The following ZNF385B variants were observed in gnomAD, a reference collection of about 807,000 sequenced individuals.
ZNF385B encodes zinc finger protein 385B.
Under a neutral mutation model 39.2 loss-of-function variants are expected in ZNF385B, and 23 were observed. The observed-to-expected ratio is 0.59, with a 90% CI of 0.42 to 0.83. The LOEUF (loss-of-function observed/expected upper bound fraction) is 0.83, where lower values mean the gene tolerates loss of function less well. Ranked by LOEUF, ZNF385B falls within the 40% of genes least tolerant of loss-of-function variation. The pLI, the probability that ZNF385B is intolerant of heterozygous loss-of-function variation, is 0.00. For synonymous variants in ZNF385B, 205 were observed against 222.6 expected (o/e 0.92, Z 0.70); for missense variants, 552 against 598.9 (o/e 0.92, Z 0.82).
intron 3 of ZNF385B, among the ~76,000 whole-genome samples, chr2:179,605,177 T>C (rs1400213648): frequency 6.6e-6 from 1 of 152,298 alleles, no homozygotes; most frequent in African/African-American, 2.4e-5. Context: ...AGATTTTTTA[T>C]AGAAGTATTT....
At chr2:179,576,276 C>A (rs1685801011) in intron 3 of ZNF385B, 1 of 654,580 alleles carries the variant, frequency 1.5e-6, no homozygotes, top group African/African-American at 2.0e-5. Context: ...ATCTAAAAAT[C>A]AAAAGTGAAC....
chr2:179,756,236 T>G (rs1013387938), intron 3 of ZNF385B, among the ~76,000 whole-genome samples: 10 of 152,320 alleles, frequency 6.6e-5, no homozygotes, highest in South Asian at 2.1e-4. Context: ...CCTTCACTTA[T>G]GAAGCTTAGT....
At chr2:179,527,430 T>C (rs1314559983) in intron 4 of ZNF385B, among the ~76,000 whole-genome samples, 1 of 152,142 alleles carries the variant, frequency 6.6e-6, no homozygotes, top group Non-Finnish European at 1.5e-5. Flanking sequence ...GTATATTCCA[T>C]TGACAGAAAG....
intron 3 of ZNF385B, among the ~76,000 whole-genome samples, chr2:179,760,223 C>CGTGCGTGCGTGT (rs1553525684): frequency 3.5e-4 from 51 of 144,546 alleles, no homozygotes; most frequent in African/African-American, 1.2e-3. Context: ...TTCCTGTGTG[C>CGTGCGTGCGTGT]GTGTGTGTGT....
At chr2:179,761,753 TTTC>T (rs1355901008) in intron 3 of ZNF385B, among the ~76,000 whole-genome samples, 2 of 140,366 alleles carry the variant, frequency 1.4e-5, no homozygotes, top group African/African-American at 5.1e-5. Context: ...TAACATTTTT[TTTC>T]TTTTCTTTTT....
chr2:179,617,140 C>T (rs1689819051), intron 3 of ZNF385B, among the ~76,000 whole-genome samples: 1 of 152,196 alleles, frequency 6.6e-6, no homozygotes, highest in Non-Finnish European at 1.5e-5. Flanking sequence ...TCAGCATCAA[C>T]AGCTATATGT....
chr2:179,774,201 G>T (rs980977934), intron 1 of ZNF385B, among the ~76,000 whole-genome samples: 4 of 151,384 alleles, frequency 2.6e-5, no homozygotes, highest in African/African-American at 9.7e-5. Context: ...TGTGTGTGTG[G>T]TCTGTGTGTG....
At chr2:179,728,917 T>A (rs930783759) in intron 3 of ZNF385B, among the ~76,000 whole-genome samples, 1 of 152,068 alleles carries the variant, frequency 6.6e-6, no homozygotes, top group Non-Finnish European at 1.5e-5. Flanking sequence ...GCACAAGTAC[T>A]TTTTAAATTT....
At chr2:179,844,667 T>C (rs1708708560) in intron 1 of ZNF385B, among the ~76,000 whole-genome samples, 1 of 152,168 alleles carries the variant, frequency 6.6e-6, no homozygotes, top group African/African-American at 2.4e-5. Flanking sequence ...ATTAAACCTT[T>C]GATTCACTGA....
At chr2:179,755,475 C>T (rs1702955014) in intron 3 of ZNF385B, among the ~76,000 whole-genome samples, 1 of 152,152 alleles carries the variant, frequency 6.6e-6, no homozygotes, top group African/African-American at 2.4e-5. Context: ...GAGCCAAAGT[C>T]CTGGATATCC....
At chr2:179,494,031 G>A (rs1022159516) in intron 5 of ZNF385B, among the ~76,000 whole-genome samples, 2 of 151,482 alleles carry the variant, frequency 1.3e-5, no homozygotes, top group African/African-American at 4.8e-5. Context: ...TAACAGATAA[G>A]TGATACACCT....
At chr2:179,587,094 C>G (rs1397650936) in intron 3 of ZNF385B, among the ~76,000 whole-genome samples, 1 of 151,012 alleles carries the variant, frequency 6.6e-6, no homozygotes, top group Non-Finnish European at 1.5e-5. Flanking sequence ...ACCTTCCTCC[C>G]TACTCCCCAC....
chr2:179,823,226 T>C (rs1343318293), intron 1 of ZNF385B, among the ~76,000 whole-genome samples: 1 of 152,176 alleles, frequency 6.6e-6, no homozygotes, highest in Non-Finnish European at 1.5e-5. Context: ...AATTCTTCAG[T>C]TACCATAAAA....
At chr2:179,833,099 G>GTA (rs934795578) in intron 1 of ZNF385B, among the ~76,000 whole-genome samples, 10 of 152,156 alleles carry the variant, frequency 6.6e-5, no homozygotes, top group East Asian at 1.9e-4. Context: ...GTATATGTGT[G>GTA]TATATATATG....
At chr2:179,588,551 C>T (rs981767709) in intron 3 of ZNF385B, among the ~76,000 whole-genome samples, 1 of 152,036 alleles carries the variant, frequency 6.6e-6, no homozygotes, top group East Asian at 1.9e-4. Context: ...TCACACTTAC[C>T]CACCATGATT....
chr2:179,478,282 T>G (rs1201780754), intron 6 of ZNF385B, among the ~76,000 whole-genome samples: 1 of 151,976 alleles, frequency 6.6e-6, no homozygotes, highest in Non-Finnish European at 1.5e-5. Flanking sequence ...GGTTGAAAGT[T>G]TTTGAGGGCG....
At chr2:179,457,047 C>G (rs776630764) in intron 6 of ZNF385B, among the ~76,000 whole-genome samples, 2 of 152,030 alleles carry the variant, frequency 1.3e-5, no homozygotes, top group Non-Finnish European at 1.5e-5. Flanking sequence ...GAACCCCTAC[C>G]AGTTGAGATT....
rs146659138 is a variant in ZNF385B, at chr2:179,551,692, C to A, written c.299-6723G>T. Among the ~76,000 whole-genome samples the A allele has an allele frequency of 6.0e-4, 92 of 152,218 alleles. No individual in the cohort carries two copies. In the East Asian group the frequency reaches 0.017, roughly 28 times the overall value. The stretch of plus-strand genomic sequence containing the variant: ...ACCCATAAATATAGAAACTCCAAAC[C>A]CTGTGGTGTGACTCACTTCTCTTGA... On this transcript the variant is annotated intron_variant, in intron 3 of 9. Coordinates refer to ENST00000410066, the MANE Select transcript of ZNF385B (RefSeq NM_152520.6).
At chr2:179,612,730 C>T (rs1347761096) in intron 3 of ZNF385B, among the ~76,000 whole-genome samples, 1 of 152,148 alleles carries the variant, frequency 6.6e-6, no homozygotes, top group Non-Finnish European at 1.5e-5. Flanking sequence ...GCCTGGCTAT[C>T]ACCTATGTTT....
Sources: gnomAD v4.1 joint callset for allele counts (sites outside exome capture counted in the v4.1 genomes callset) on GRCh38, gnomAD v4.1.1 for gene constraint, MANE v1.5 for transcripts, NCBI Gene and HGNC (gene_info 2026-07-23, HGNC 2026-07-21) for gene names.